The following KIF26B variants were observed in gnomAD, a reference collection of about 807,000 sequenced individuals.
KIF26B encodes kinesin-like protein KIF26B.
Under a neutral mutation model 151.2 loss-of-function variants are expected in KIF26B, and 63 were observed. The ratio of observed to expected loss-of-function variants is 0.42; its 90% CI spans 0.34 to 0.51. The LOEUF (loss-of-function observed/expected upper bound fraction) is 0.51, where lower values mean the gene tolerates loss of function less well. KIF26B is among the 20% of genes least tolerant of loss of function. The probability of loss-of-function intolerance (pLI) is 0.07; values close to 1 mark genes in which losing one functional copy is unlikely to be tolerated. For missense variants in KIF26B, 2,813 were observed against 2,913.6 expected, an observed-to-expected ratio of 0.97 and a Z score of 0.79; for synonymous variants, 1,357 against 1,262.1, an observed-to-expected ratio of 1.08 and a Z score of -1.59.
chr1:245,177,994 C>G (rs967558581), intron 2 of KIF26B, among the ~76,000 whole-genome samples: 1 of 152,052 alleles, frequency 6.6e-6, no homozygotes, highest in Non-Finnish European at 1.5e-5. Context: ...GTCTGAAGAT[C>G]GAGAATGAGG....
chr1:245,688,388 G>A lies in KIF26B; in HGVS notation c.5405G>A (p.Arg1802Gln), dbSNP rs753346942. Residue 1802 changes from arginine to glutamine, a missense_variant, in exon 12 of 15, where the codon CGG (arginine) becomes CAG (glutamine). By Grantham distance (43) the Arg-to-Gln change is conservative (BLOSUM62 1). Around this residue, in one of 3 missense-constraint regions of KIF26B, gnomAD observed 2,060 missense variants for 2,088.6 expected, o/e 0.99. Transcript: ENST00000407071. ...SSGLASKLPL[R>Q]AVSGRISELL... ...GGCCTGGCCTCCAAGCTTCCCCTGC[G>A]GGCCGTCAGCGGGCGCATCTCGGAG... 1.1e-4 allele frequency: 167 copies of A among 1,520,596 alleles called. No homozygotes were observed. The South Asian group carries it at 1.6e-3, about 15-fold the overall frequency. The allele number at this position is 1,520,596 out of a possible 1,614,324, so 94.2% of individuals were successfully genotyped here.
intron 2 of KIF26B, among the ~76,000 whole-genome samples, chr1:245,312,191 C>T (rs147856471): frequency 6.6e-6 from 1 of 152,260 alleles, no homozygotes; most frequent in Non-Finnish European, 1.5e-5. Context: ...CCTCCCTTCC[C>T]GCCAGGTAAA....
At position 245,155,177 on chromosome 1, in the gene KIF26B, C is replaced by T. The variant is rs1668405121; in HGVS notation, c.-248C>T. On this transcript the variant is annotated 5_prime_UTR_variant, in exon 1 of 15. Transcript: ENST00000407071. The stretch of plus-strand genomic sequence containing the variant: ...CAAGAGGACGTGCGGCTGGAAGAGG[C>T]AGAAGGGGACGAGGAAAAGCATGCT... 5.4e-6 allele frequency: 3 copies of T among 555,912 alleles called. No individual in the cohort carries two copies. The highest frequency in any genetic ancestry group is 2.0e-5 in the African/African-American group (1 of 50,976). The allele number at this position is 555,912 out of a possible 1,614,324, so 34.4% of individuals were successfully genotyped here.
chr1:245,349,202 A>G (rs1672516381), intron 2 of KIF26B, among the ~76,000 whole-genome samples: 1 of 152,236 alleles, frequency 6.6e-6, no homozygotes, highest in Admixed American at 6.5e-5. Flanking sequence ...TATGTCTTTC[A>G]AAACTCCATG....
At chr1:245,314,796 C>T (rs1573769891) in intron 2 of KIF26B, among the ~76,000 whole-genome samples, 2 of 152,328 alleles carry the variant, frequency 1.3e-5, no homozygotes, top group Middle Eastern at 3.4e-3. Context: ...AAACGTCTTA[C>T]ATTTTCATAT....
chr1:245,688,185 C>T lies in KIF26B; in HGVS notation c.5202C>T (p.Ala1734=), dbSNP rs373644965. 31 of 1,597,710 alleles carry T rather than the reference C, an allele frequency of 1.9e-5. No homozygotes were observed. The African/African-American group carries it at 2.4e-4, about 12-fold the overall frequency. Residue 1734 remains alanine, a synonymous_variant, in exon 12 of 15, where the codon GCC becomes GCT. Coordinates refer to ENST00000407071, the MANE Select transcript of KIF26B (RefSeq NM_018012.4). ...SPKAGQSKIS[A]VSRLLLASPR... ...AGGCCGGCCAGTCCAAGATCTCCGC[C>T]GTGAGCAGACTCCTCCTGGCCAGCC...
intron 2 of KIF26B, among the ~76,000 whole-genome samples, chr1:245,182,822 A>G (rs751552525): frequency 1.3e-5 from 2 of 152,030 alleles, no homozygotes; most frequent in African/African-American, 2.4e-5. Flanking sequence ...TTTTTAGTAG[A>G]GACAGGGTTT....
chr1:245,522,393 T>C (rs1490956051), intron 4 of KIF26B, among the ~76,000 whole-genome samples: 1 of 152,242 alleles, frequency 6.6e-6, no homozygotes, highest in Non-Finnish European at 1.5e-5. Context: ...ACATGCTCTC[T>C]AAGTGCCTCA....
At chr1:245,261,540 C>T (rs1573739476) in intron 2 of KIF26B, among the ~76,000 whole-genome samples, 1 of 141,910 alleles carries the variant, frequency 7.0e-6, no homozygotes, top group African/African-American at 2.6e-5. Flanking sequence ...CCTCTCTCCC[C>T]CTCTCTCCCT....
intron 2 of KIF26B, among the ~76,000 whole-genome samples, chr1:245,177,665 G>GGTGT (rs111597803): frequency 0.021 from 3,152 of 149,138 alleles, 74 homozygotes; most frequent in African/African-American, 0.06. Flanking sequence ...TGTCCTTAGG[G>GGTGT]GTGTGTGTGT....
chr1:245,462,918 C>G (rs1659682909), intron 4 of KIF26B, among the ~76,000 whole-genome samples: 1 of 152,152 alleles, frequency 6.6e-6, no homozygotes, highest in Non-Finnish European at 1.5e-5. Context: ...CTGGGAGATG[C>G]AGAGACAACT....
At chr1:245,223,547 A>T (rs1340410768) in intron 2 of KIF26B, among the ~76,000 whole-genome samples, 1 of 151,796 alleles carries the variant, frequency 6.6e-6, no homozygotes, top group Non-Finnish European at 1.5e-5. Context: ...CAATTATTCT[A>T]TTTTTTTTCC....
At chr1:245,359,217 C>G (rs572525168) in intron 2 of KIF26B, among the ~76,000 whole-genome samples, 31 of 152,204 alleles carry the variant, frequency 2.0e-4, no homozygotes, top group African/African-American at 7.5e-4. Context: ...CGGGGTTTCA[C>G]TATGTTGGCC....
chr1:245,317,239 G>C (rs1199602054), intron 2 of KIF26B, among the ~76,000 whole-genome samples: 1 of 152,158 alleles, frequency 6.6e-6, no homozygotes, highest in Admixed American at 6.5e-5. Flanking sequence ...TCCCTTCTTA[G>C]AAATTAGCTC....
At chr1:245,253,140 GCTGGGA>G (rs965804649) in intron 2 of KIF26B, among the ~76,000 whole-genome samples, 33 of 151,160 alleles carry the variant, frequency 2.2e-4, no homozygotes, top group South Asian at 6.3e-4. Context: ...CTCCCGAGTA[GCTGGGA>G]CTACAGGCGC....
intron 9 of KIF26B, among the ~76,000 whole-genome samples, chr1:245,630,514 T>TC (rs778385788): frequency 1.3e-5 from 2 of 152,028 alleles, no homozygotes; most frequent in Non-Finnish European, 2.9e-5. Flanking sequence ...TTGTCACTCA[T>TC]AAGCGGGAGT....
intron 5 of KIF26B, among the ~76,000 whole-genome samples, chr1:245,549,278 AT>A (rs1364631152): frequency 6.6e-6 from 1 of 152,244 alleles, no homozygotes; most frequent in Non-Finnish European, 1.5e-5. Flanking sequence ...GATTTATGGA[AT>A]AAAAACATGA....
intron 2 of KIF26B, among the ~76,000 whole-genome samples, chr1:245,198,981 C>T (rs57362971): frequency 2.3e-3 from 344 of 151,764 alleles, no homozygotes; most frequent in African/African-American, 7.8e-3. Flanking sequence ...CTGAGCTGAG[C>T]TGAGCTGAGG....
intron 2 of KIF26B, among the ~76,000 whole-genome samples, chr1:245,350,382 C>A (rs148002436): frequency 1.1e-3 from 161 of 152,302 alleles, no homozygotes; most frequent in African/African-American, 3.7e-3. Flanking sequence ...GCTCCACAGA[C>A]CACCATGAAA....
Sources: gnomAD v4.1 joint callset for allele counts (sites outside exome capture counted in the v4.1 genomes callset) on GRCh38, gnomAD v4.1.1 for gene constraint, gnomAD v4.1.1 regional missense constraint, MANE v1.5 for transcripts, NCBI Gene and HGNC (gene_info 2026-07-23, HGNC 2026-07-21) for gene names.